The following CENPP variants were observed in gnomAD, a reference collection of about 807,000 sequenced individuals.
CENPP encodes centromere protein P.
In CENPP, 24 loss-of-function variants were observed where a neutral mutation model predicts 35.6. The observed-to-expected ratio is 0.67, with a 90% CI of 0.49 to 0.95. CENPP has a LOEUF of 0.95. CENPP is among the 40% of genes least tolerant of loss of function. The probability of loss-of-function intolerance (pLI) is 0.00; values close to 1 mark genes in which losing one functional copy is unlikely to be tolerated. For synonymous variants in CENPP, 120 were observed against 125.5 expected (o/e 0.96, Z 0.29); for missense variants, 332 against 345.3 (o/e 0.96, Z 0.31).
At chr9:92,338,400 G>A (rs1372858855) in intron 3 of CENPP, among the ~76,000 whole-genome samples, 4 of 152,122 alleles carry the variant, frequency 2.6e-5, no homozygotes, top group Middle Eastern at 6.8e-3. Flanking sequence ...CAAAATCCAC[G>A]GATGCTCAAG....
chr9:92,411,839 A>G (rs1221277336), intron 5 of CENPP, among the ~76,000 whole-genome samples: 1 of 152,164 alleles, frequency 6.6e-6, no homozygotes, highest in Non-Finnish European at 1.5e-5. Context: ...GCCACACATT[A>G]ACTTTTTCCT....
At position 92,337,522 on chromosome 9, in the gene CENPP, T is replaced by A. The variant is rs369991849; in HGVS notation, c.290-19T>A. ...AAATGGCTATTTGCAAACAAAATAT[T>A]TGTTTTTCTGCTTTACAGGTATTAG... On this transcript the variant is annotated intron_variant, in intron 2 of 7. Transcript: ENST00000375587. 1.6e-5 allele frequency: 23 copies of A among 1,426,764 alleles called. No individual in the cohort carries two copies. The highest frequency in any genetic ancestry group is 3.5e-5 in the South Asian group (3 of 85,088). The allele number at this position is 1,426,764 out of a possible 1,614,324, so 88.4% of individuals were successfully genotyped here.
rs764959611 is a variant in CENPP at position 92,611,373 on chromosome 9, C to T, written c.624C>T (p.Ile208=). The T allele has an allele frequency of 5.6e-6, 9 of 1,613,244 alleles. No individual in the cohort carries two copies. In the African/African-American group the frequency reaches 9.3e-5, roughly 17 times the overall value. ...GGCCCTCCTCCTGCTCCATGGGGATCCGCAGCGCCAGCCGGCCAGGGTGAG... is the reference window on the plus strand; with the variant it reads ...GGCCCTCCTCCTGCTCCATGGGGATTCGCAGCGCCAGCCGGCCAGGGTGAG... ...SEGPSSCSMG[I]RSASRPGFEL... Residue 208 remains isoleucine, a synonymous_variant, in exon 6 of 8, where the codon ATC becomes ATT. Coordinates refer to ENST00000375587, the MANE Select transcript of CENPP (RefSeq NM_001012267.3).
At chr9:92,602,557 A>G (rs1588310563) in intron 5 of CENPP, among the ~76,000 whole-genome samples, 1 of 152,292 alleles carries the variant, frequency 6.6e-6, no homozygotes. Context: ...GGCTGTCAAG[A>G]CCAGCCATGC....
At chr9:92,610,017 G>A (rs1037298860) in intron 5 of CENPP, among the ~76,000 whole-genome samples, 1 of 151,896 alleles carries the variant, frequency 6.6e-6, no homozygotes, top group African/African-American at 2.4e-5. Flanking sequence ...GATTACAGGC[G>A]TGAGCCACCC....
chr9:92,389,707 T>C (rs1236748405), intron 5 of CENPP: 10 of 585,528 alleles, frequency 1.7e-5, no homozygotes, highest in Non-Finnish European at 3.0e-5. Context: ...CCTAATAGGA[T>C]GGTTATTTAT....
chr9:92,347,388 C>T (rs915194921), intron 4 of CENPP, among the ~76,000 whole-genome samples: 6 of 152,048 alleles, frequency 3.9e-5, no homozygotes, highest in Non-Finnish European at 4.4e-5. Flanking sequence ...ATATTTAATC[C>T]CAGCTTTTTG....
chr9:92,401,031 A>G, intron 5 of CENPP: 1 of 800,250 alleles, frequency 1.2e-6, no homozygotes, highest in Non-Finnish European at 2.1e-6. Context: ...ACCACAAGGA[A>G]TAAAGTCCAT....
chr9:92,597,652 T>C (rs1850814865), intron 5 of CENPP, among the ~76,000 whole-genome samples: 1 of 152,248 alleles, frequency 6.6e-6, no homozygotes, highest in Admixed American at 6.5e-5. Flanking sequence ...GTGTGTATAT[T>C]TAGCTTCTTC....
chr9:92,415,563 A>G lies in CENPP; in HGVS notation c.564+35704A>G, dbSNP rs1187487856. The G allele has an allele frequency of 2.0e-5, 12 of 591,384 alleles. No individual in the cohort carries two copies. In the East Asian group the frequency reaches 3.3e-4, roughly 17 times the overall value. The allele number at this position is 591,384 out of a possible 1,614,324, so 36.6% of individuals were successfully genotyped here. A position where few individuals can be genotyped will look rare whatever the true frequency, so the allele number is the denominator to read the frequency against. Reference sequence around the variant, plus strand: ...AATTCTATGTTAGATTTTATATTGTATGGGATATAATTCTGTTAATTAAAA... The same window carrying G: ...AATTCTATGTTAGATTTTATATTGTGTGGGATATAATTCTGTTAATTAAAA... On this transcript the variant is annotated intron_variant, in intron 5 of 7. Transcript: ENST00000375587.
chr9:92,611,598 G>A (rs1851253637), intron 6 of CENPP, among the ~76,000 whole-genome samples: 1 of 152,130 alleles, frequency 6.6e-6, no homozygotes, highest in Admixed American at 6.5e-5. Flanking sequence ...GGGCCGCAGG[G>A]GGAAAACGCC....
intron 3 of CENPP, among the ~76,000 whole-genome samples, chr9:92,341,275 C>T (rs1201328585): frequency 6.6e-6 from 1 of 152,148 alleles, no homozygotes; most frequent in East Asian, 1.9e-4. Context: ...CGCCTTGGTC[C>T]TGTGGTCCTG....
At chr9:92,478,343 A>C (rs1162344089) in intron 5 of CENPP, among the ~76,000 whole-genome samples, 2 of 152,190 alleles carry the variant, frequency 1.3e-5, no homozygotes, top group Non-Finnish European at 2.9e-5. Flanking sequence ...GGGGTTCACA[A>C]TTTCTTGAGG....
chr9:92,423,263 A>G (rs1053664074), intron 5 of CENPP, among the ~76,000 whole-genome samples: 3 of 152,094 alleles, frequency 2.0e-5, no homozygotes, highest in Non-Finnish European at 2.9e-5. Flanking sequence ...GCAAAGTAAT[A>G]TATATATATT....
chr9:92,438,049 C>T (rs1178140282), intron 5 of CENPP, among the ~76,000 whole-genome samples: 2 of 152,166 alleles, frequency 1.3e-5, no homozygotes, highest in Non-Finnish European at 2.9e-5. Flanking sequence ...CTCAAGTGAT[C>T]CTCCCACCTC....
At chr9:92,598,277 T>G (rs1005350354) in intron 5 of CENPP, among the ~76,000 whole-genome samples, 2 of 151,124 alleles carry the variant, frequency 1.3e-5, no homozygotes, top group Admixed American at 6.6e-5. Flanking sequence ...TGAGAAGGAG[T>G]GAAGGAGGGG....
chr9:92,436,790 T>A (rs2130995810), intron 5 of CENPP, among the ~76,000 whole-genome samples: 1 of 152,364 alleles, frequency 6.6e-6, no homozygotes, highest in East Asian at 1.9e-4. Flanking sequence ...AGTTATATTG[T>A]AAGTCTTGAA....
chr9:92,468,560 A>G (rs1395954612), intron 5 of CENPP, among the ~76,000 whole-genome samples: 1 of 152,206 alleles, frequency 6.6e-6, no homozygotes, highest in Non-Finnish European at 1.5e-5. Flanking sequence ...CAAGTGCCAA[A>G]CAAGCAGCTA....
intron 5 of CENPP, chr9:92,470,767 G>A: frequency 1.3e-6 from 2 of 1,582,808 alleles, no homozygotes; most frequent in Non-Finnish European, 1.7e-6. Context: ...ATGTTGGTTG[G>A]GACTGAGGTC....
Sources: allele counts gnomAD v4.1 joint callset (sites outside exome capture counted in the v4.1 genomes callset), GRCh38; gene constraint gnomAD v4.1.1; transcripts MANE v1.5; gene names NCBI Gene and HGNC (gene_info 2026-07-23, HGNC 2026-07-21).